Variants in GSG1L observed in about 807,000 individuals in gnomAD.
The protein encoded by GSG1L is germ cell-specific gene 1-like protein.
A neutral mutation model predicts 42.1 loss-of-function variants in GSG1L; 24 were observed. The observed-to-expected ratio is 0.57, with a 90% CI of 0.41 to 0.80. GSG1L has a LOEUF of 0.80. Among genes scored for constraint, GSG1L ranks in the 30% least tolerant of loss-of-function variants. GSG1L has a pLI of 0.00. For synonymous variants in GSG1L, 215 were observed against 203.5 expected (o/e 1.06, Z -0.48); for missense variants, 445 against 472.2 (o/e 0.94, Z 0.53).
At chr16:27,813,540 C>A (rs1179427822) in intron 5 of GSG1L, among the ~76,000 whole-genome samples, 1 of 152,250 alleles carries the variant, frequency 6.6e-6, no homozygotes, top group African/African-American at 2.4e-5. Context: ...CTGCTCATAT[C>A]TAAGAGAGGA....
Position 27,884,220 on chromosome 16 carries a change from C to T in GSG1L, c.550+266G>A, listed in dbSNP as rs1032913283. On this transcript the variant is annotated intron_variant, in intron 3 of 6. Coordinates refer to ENST00000447459, the MANE Select transcript of GSG1L (RefSeq NM_001109763.2). The surrounding 1 kb of genome is among the most constrained non-coding windows in gnomAD (Gnocchi z 4.4). ...AGACATCTCAAATTCATCTGCCTCT[C>T]CCTCCCACATGTGTTATGCTCCTTG... Among the ~76,000 whole-genome samples, 2 of 152,206 alleles carry T rather than the reference C, an allele frequency of 1.3e-5. No homozygotes were observed. The highest frequency in any genetic ancestry group is 2.9e-5 in the Non-Finnish European group (2 of 68,042).
intron 1 of GSG1L, among the ~76,000 whole-genome samples, chr16:27,989,524 G>A (rs1316222017): frequency 9.2e-5 from 14 of 152,160 alleles, no homozygotes; most frequent in Non-Finnish European, 7.4e-5. Context: ...TGGATCACCT[G>A]AGGTCAGGAG....
chr16:27,839,713 G>T (rs963143873), intron 4 of GSG1L, among the ~76,000 whole-genome samples: 1 of 152,178 alleles, frequency 6.6e-6, no homozygotes, highest in Non-Finnish European at 1.5e-5. Flanking sequence ...TGGTTGTGCA[G>T]GAACAGATCT....
chr16:27,977,585 A>AC (rs1491478386), intron 1 of GSG1L, among the ~76,000 whole-genome samples: 1 of 148,164 alleles, frequency 6.7e-6, no homozygotes, highest in African/African-American at 2.5e-5. Context: ...AAAAAAAAAA[A>AC]AGGGCAAGGA....
intron 1 of GSG1L, among the ~76,000 whole-genome samples, chr16:28,024,150 G>T (rs1405121718): frequency 6.6e-6 from 1 of 152,198 alleles, no homozygotes; most frequent in African/African-American, 2.4e-5. Flanking sequence ...ACCACCACGT[G>T]CTCCTGAGAT....
intron 2 of GSG1L, among the ~76,000 whole-genome samples, chr16:27,938,708 T>TA (rs2084749424): frequency 6.6e-6 from 1 of 151,674 alleles, no homozygotes; most frequent in Non-Finnish European, 1.5e-5. Flanking sequence ...AGGACAAGAG[T>TA]AAGAAGGTGA....
rs1015300195 is a variant in GSG1L, at chr16:28,059,067, T to C, written c.349+4009A>G. 1.3e-5 allele frequency among the ~76,000 whole-genome samples: 2 copies of C among 151,910 alleles called. No individual in the cohort carries two copies. Among genetic ancestry groups the C allele is most frequent in the Non-Finnish European group, 2.9e-5 (2 of 67,974 alleles). On this transcript the variant is annotated intron_variant, in intron 1 of 6. Transcript: ENST00000447459. This position sits in a 1 kb window ranked among gnomAD's most constrained non-coding sequence, Gnocchi z 4.4. ...TGGCTGTGGGTGGCTCAGCCCAGGG[T>C]GGCGGCAACACCGAGGTGGTGCTCC...
At chr16:27,834,547 A>G (rs1346993120) in intron 4 of GSG1L, among the ~76,000 whole-genome samples, 1 of 152,036 alleles carries the variant, frequency 6.6e-6, no homozygotes, top group African/African-American at 2.4e-5. Flanking sequence ...AACCATCTGG[A>G]CCTGGAGATT....
chr16:27,907,316 T>C (rs534907453), intron 2 of GSG1L, among the ~76,000 whole-genome samples: 41 of 152,334 alleles, frequency 2.7e-4, no homozygotes, highest in African/African-American at 9.9e-4. Flanking sequence ...CAGCTGTGCC[T>C]GACTGTGATA....
At chr16:27,961,176 C>T (rs938783337) in intron 2 of GSG1L, among the ~76,000 whole-genome samples, 1 of 152,374 alleles carries the variant, frequency 6.6e-6, no homozygotes, top group Admixed American at 6.5e-5. Context: ...TCCATGCCCA[C>T]GTTCACACAT....
intron 2 of GSG1L, among the ~76,000 whole-genome samples, chr16:27,919,010 A>T (rs1364668759): frequency 6.6e-6 from 1 of 152,168 alleles, no homozygotes; most frequent in Admixed American, 6.5e-5. Flanking sequence ...ACAGCTGTCC[A>T]GGCAGGCACT....
chr16:28,051,377 C>T (rs1039357102), intron 1 of GSG1L, among the ~76,000 whole-genome samples: 2 of 152,130 alleles, frequency 1.3e-5, no homozygotes, highest in Non-Finnish European at 1.5e-5. Flanking sequence ...CCTGCAGAGA[C>T]TTGCATTTCC....
chr16:27,983,942 G>A (rs780911754), intron 1 of GSG1L, among the ~76,000 whole-genome samples: 5 of 152,052 alleles, frequency 3.3e-5, no homozygotes, highest in African/African-American at 1.2e-4. Context: ...GTCTTTAAAC[G>A]ACACCTGTGG....
chr16:27,931,833 C>T (rs748462060), intron 2 of GSG1L, among the ~76,000 whole-genome samples: 18 of 152,114 alleles, frequency 1.2e-4, no homozygotes, highest in Non-Finnish European at 1.9e-4. Context: ...ACAGGAGGAG[C>T]GCAGTGTGGA....
At chr16:27,950,426 A>G (rs1018516326) in intron 2 of GSG1L, among the ~76,000 whole-genome samples, 1 of 152,192 alleles carries the variant, frequency 6.6e-6, no homozygotes, top group Admixed American at 6.5e-5. Flanking sequence ...GATCTCCAGG[A>G]GCAATCTTCC....
At chr16:27,945,554 G>A (rs1245734059) in intron 2 of GSG1L, among the ~76,000 whole-genome samples, 1 of 152,174 alleles carries the variant, frequency 6.6e-6, no homozygotes, top group Non-Finnish European at 1.5e-5. Context: ...GCAGGGGCCA[G>A]GGCATCCCCG....
chr16:27,974,742 A>G (rs1045030123), intron 1 of GSG1L, among the ~76,000 whole-genome samples: 5 of 152,160 alleles, frequency 3.3e-5, no homozygotes, highest in South Asian at 2.1e-4. Flanking sequence ...ATGACCAGCA[A>G]TGACTGAGGC....
At chr16:27,902,418 A>C (rs2141043530) in intron 2 of GSG1L, among the ~76,000 whole-genome samples, 1 of 152,126 alleles carries the variant, frequency 6.6e-6, no homozygotes, top group East Asian at 1.9e-4. Flanking sequence ...TGGGGAGGGA[A>C]GCTGATTCCG....
chr16:27,990,366 T>C (rs1247478578), intron 1 of GSG1L, among the ~76,000 whole-genome samples: 2 of 152,324 alleles, frequency 1.3e-5, no homozygotes, highest in Non-Finnish European at 2.9e-5. Flanking sequence ...TATTATAATA[T>C]AGTTATTAAC....
Sources: allele counts gnomAD v4.1 joint callset (sites outside exome capture counted in the v4.1 genomes callset), GRCh38; gene constraint gnomAD v4.1.1; non-coding constraint Gnocchi (gnomAD v3.1); transcripts MANE v1.5; gene names NCBI Gene and HGNC (gene_info 2026-07-23, HGNC 2026-07-21).